DACH2: variants seen among roughly 807,000 people sequenced by gnomAD.
The protein encoded by DACH2 is dachshund family transcription factor 2.
A neutral mutation model predicts 35.8 loss-of-function variants in DACH2; 17 were observed. That is an observed-to-expected ratio of 0.48 (90% CI 0.33 to 0.71). The LOEUF is 0.71. DACH2 is among the 30% of genes least tolerant of loss of function. The pLI is 0.02. For missense variants in DACH2, 469 were observed against 472.7 expected, an observed-to-expected ratio of 0.99 and a Z score of 0.07; for synonymous variants, 195 against 177.3, an observed-to-expected ratio of 1.10 and a Z score of -0.79.
chrX:86,381,381 T>C (rs1157826748), intron 2 of DACH2, among the ~76,000 whole-genome samples: 16 of 111,476 alleles, frequency 1.4e-4, no homozygotes, highest in Non-Finnish European at 1.1e-4. Context: ...ATTTTTGTCA[T>C]TATTCTTCAT....
intron 4 of DACH2, among the ~76,000 whole-genome samples, chrX:86,683,572 G>A (rs2040907482): frequency 9.0e-6 from 1 of 111,667 alleles, no homozygotes; most frequent in African/African-American, 3.2e-5. Context: ...AAAAATAATA[G>A]AGCTTTACCT....
chrX:86,628,849 C>A (rs1215595535), intron 3 of DACH2, among the ~76,000 whole-genome samples: 1 of 111,636 alleles, frequency 9.0e-6, no homozygotes, highest in Non-Finnish European at 1.9e-5. Context: ...CTTTAGGAAG[C>A]CAATTACCTT....
At chrX:86,760,467 T>A (rs2041869243) in intron 7 of DACH2, among the ~76,000 whole-genome samples, 1 of 111,994 alleles carries the variant, frequency 8.9e-6, no homozygotes, top group Admixed American at 9.5e-5. Flanking sequence ...AGATTCTTTG[T>A]TCTGCTGTAG....
intron 2 of DACH2, among the ~76,000 whole-genome samples, chrX:86,401,550 A>G (rs975596735): frequency 4.5e-5 from 5 of 111,729 alleles, no homozygotes; most frequent in African/African-American, 1.6e-4. Context: ...AAATGAAATT[A>G]ATGGTTGCTT....
chrX:86,205,466 C>CTCCCTCCT (rs2032273731), intron 1 of DACH2, among the ~76,000 whole-genome samples: 1 of 43,495 alleles, frequency 2.3e-5, no homozygotes, highest in African/African-American at 1.6e-4. Context: ...CCCTCCCTCC[C>CTCCCTCCT]TCCTTCCCTC....
intron 1 of DACH2, among the ~76,000 whole-genome samples, chrX:86,276,844 T>C (rs2147978639): frequency 9.0e-6 from 1 of 111,700 alleles, no homozygotes; most frequent in East Asian, 2.8e-4. Flanking sequence ...ATTATAGGTG[T>C]GTGGATTTGT....
intron 4 of DACH2, among the ~76,000 whole-genome samples, chrX:86,677,492 G>T (rs954882785): frequency 8.9e-6 from 1 of 111,907 alleles, no homozygotes; most frequent in African/African-American, 3.2e-5. Flanking sequence ...CGGTAAAATG[G>T]GCTTCAGATT....
intron 3 of DACH2, among the ~76,000 whole-genome samples, chrX:86,594,998 C>A (rs769687207): frequency 1.8e-5 from 2 of 111,732 alleles, no homozygotes; most frequent in Admixed American, 1.9e-4. Context: ...GTTTTCATAG[C>A]AAATTGACTC....
chrX:86,189,708 T>C (rs777589534), intron 1 of DACH2, among the ~76,000 whole-genome samples: 2 of 111,851 alleles, frequency 1.8e-5, no homozygotes, highest in Admixed American at 1.9e-4. Flanking sequence ...TGATTAGTAA[T>C]AAACAAGATA....
At position 86,316,556 on chromosome X, in the gene DACH2, A is replaced by C. The variant is rs1466994126; in HGVS notation, c.489-60268A>C. ...TTCACTTGAACTGTCTACCCAAATA[A>C]TTTCTTTCTATCTTCTACAACTTAT... is the stretch of plus-strand genomic sequence containing the variant. On this transcript the variant is annotated intron_variant, in intron 1 of 11. Transcript: ENST00000373125. Among the ~76,000 whole-genome samples the C allele has an allele frequency of 3.6e-5, 4 of 111,298 alleles. No homozygotes were observed. The Admixed American group carries it at 3.8e-4, about 11-fold the overall frequency.
At chrX:86,517,098 A>G (rs2038480454) in intron 3 of DACH2, among the ~76,000 whole-genome samples, 1 of 111,632 alleles carries the variant, frequency 9.0e-6, no homozygotes, top group Admixed American at 9.5e-5. Flanking sequence ...TCAGGCTGAT[A>G]GTTCTGCTTT....
Position 86,148,508 on chromosome X carries a change from C to A in DACH2, c.-113C>A, listed in dbSNP as rs1305101996. 2 of 900,113 alleles carry A rather than the reference C, an allele frequency of 2.2e-6. No individual in the cohort carries two copies. Among genetic ancestry groups the A allele is most frequent in the African/African-American group, 4.0e-5 (2 of 49,550 alleles). The allele number at this position is 900,113 out of a possible 1,213,427, so 74.2% of individuals were successfully genotyped here. A position where few individuals can be genotyped will look rare whatever the true frequency, so the allele number is the denominator to read the frequency against. On this transcript the variant is annotated 5_prime_UTR_variant, in exon 1 of 12. Transcript: ENST00000373125. ...CTGAAGACTTGCGAACAGTTCGGAGCCAGCGAGAGCGCGCCAGAGAGAGCG... is the reference window on the plus strand; with the variant it reads ...CTGAAGACTTGCGAACAGTTCGGAGACAGCGAGAGCGCGCCAGAGAGAGCG...
At chrX:86,183,467 T>C (rs969525063) in intron 1 of DACH2, among the ~76,000 whole-genome samples, 1 of 112,330 alleles carries the variant, frequency 8.9e-6, no homozygotes, top group African/African-American at 3.2e-5. Context: ...GTTTATGTGA[T>C]GGATTACATT....
chrX:86,754,259 T>A (rs1228164863), intron 7 of DACH2, among the ~76,000 whole-genome samples: 1 of 109,787 alleles, frequency 9.1e-6, no homozygotes, highest in Non-Finnish European at 1.9e-5. Context: ...AACTGAAAAA[T>A]AAATATGAAA....
At chrX:86,581,572 CAG>C (rs1323321086) in intron 3 of DACH2, among the ~76,000 whole-genome samples, 2 of 110,820 alleles carry the variant, frequency 1.8e-5, no homozygotes, top group African/African-American at 3.3e-5. Context: ...AACAAAAAAA[CAG>C]GGGTTGCTAT....
At chrX:86,711,371 G>A (rs190473049) in intron 5 of DACH2, among the ~76,000 whole-genome samples, 187 of 111,218 alleles carry the variant, frequency 1.7e-3, no homozygotes, top group East Asian at 5.6e-3. Flanking sequence ...GTGAGACTCC[G>A]TCTCATTAAA....
intron 2 of DACH2, among the ~76,000 whole-genome samples, chrX:86,496,172 A>G (rs954714107): frequency 8.9e-6 from 1 of 111,838 alleles, no homozygotes; most frequent in Non-Finnish European, 1.9e-5. Context: ...ATGAAAAACA[A>G]TTTGAATGAA....
chrX:86,734,933 C>A (rs1205760443), intron 6 of DACH2, among the ~76,000 whole-genome samples: 2 of 111,393 alleles, frequency 1.8e-5, no homozygotes, highest in Non-Finnish European at 3.8e-5. Context: ...ATCCAACATT[C>A]AAATAAACTT....
At chrX:86,463,948 T>C (rs2037620355) in intron 2 of DACH2, among the ~76,000 whole-genome samples, 1 of 111,084 alleles carries the variant, frequency 9.0e-6, no homozygotes, top group Non-Finnish European at 1.9e-5. Flanking sequence ...GTTAGAAAAA[T>C]GCAAATCAAA....
Sources: gnomAD v4.1 joint callset for allele counts (sites outside exome capture counted in the v4.1 genomes callset) on GRCh38, gnomAD v4.1.1 for gene constraint, MANE v1.5 for transcripts, NCBI Gene and HGNC (gene_info 2026-07-23, HGNC 2026-07-21) for gene names.